The following FBXL7 variants were observed in gnomAD, a reference collection of about 807,000 sequenced individuals.
The protein encoded by FBXL7 is F-box/LRR-repeat protein 7.
FBXL7 carries 12 observed loss-of-function variants against 38.3 expected under a neutral mutation model. That is an observed-to-expected ratio of 0.31 (90% CI 0.20 to 0.51). The LOEUF (loss-of-function observed/expected upper bound fraction) is 0.51. Among genes scored for constraint, FBXL7 ranks in the 20% least tolerant of loss-of-function variants. The pLI, the probability that FBXL7 is intolerant of heterozygous loss-of-function variation, is 0.98. For synonymous variants in FBXL7, 297 were observed against 300.9 expected (o/e 0.99, Z 0.13); for missense variants, 567 against 676.4 (o/e 0.84, Z 1.79).
At chr5:15,716,863 A>T in intron 2 of FBXL7, among the ~76,000 whole-genome samples, 1 of 152,274 alleles carries the variant, frequency 6.6e-6, no homozygotes, top group Non-Finnish European at 1.5e-5. Context: ...TGGAATCATT[A>T]TTTTTATTTT....
chr5:15,810,707 G>A lies in FBXL7; in HGVS notation c.128-117183G>A, dbSNP rs527558674. Among the ~76,000 whole-genome samples, 427 of 152,018 alleles carry A rather than the reference G, an allele frequency of 2.8e-3. 1 individual carries two copies. The highest frequency in any genetic ancestry group is 9.6e-3 in the African/African-American group (398 of 41,464). On this transcript the variant is annotated intron_variant, in intron 2 of 3. Coordinates refer to ENST00000504595, the MANE Select transcript of FBXL7 (RefSeq NM_012304.5). Reference sequence around the variant, plus strand: ...CTGTTATATTGTTAGTTATAATTCGGCTGCCACCATATTTTTCTTTTATAA... The same window carrying A: ...CTGTTATATTGTTAGTTATAATTCGACTGCCACCATATTTTTCTTTTATAA...
At chr5:15,887,759 G>A (rs929414648) in intron 2 of FBXL7, among the ~76,000 whole-genome samples, 1 of 152,184 alleles carries the variant, frequency 6.6e-6, no homozygotes, top group Admixed American at 6.5e-5. Flanking sequence ...AAACTAGACA[G>A]TATCTTTTGG....
At chr5:15,574,617 CTGTT>C (rs1257868435) in intron 1 of FBXL7, among the ~76,000 whole-genome samples, 1 of 152,086 alleles carries the variant, frequency 6.6e-6, no homozygotes, top group East Asian at 1.9e-4. Context: ...GAATATAGCT[CTGTT>C]TGCTTCAAGG....
At chr5:15,866,407 T>A (rs1739711544) in intron 2 of FBXL7, among the ~76,000 whole-genome samples, 1 of 152,258 alleles carries the variant, frequency 6.6e-6, no homozygotes, top group African/African-American at 2.4e-5. Context: ...TCACAGGTTG[T>A]GAATACAGTA....
chr5:15,875,417 C>T (rs1740158182), intron 2 of FBXL7, among the ~76,000 whole-genome samples: 1 of 152,166 alleles, frequency 6.6e-6, no homozygotes, highest in African/African-American at 2.4e-5. Context: ...TCTAATTAAA[C>T]TAAATAGCTT....
chr5:15,598,212 A>C (rs539049979), intron 1 of FBXL7, among the ~76,000 whole-genome samples: 4 of 152,330 alleles, frequency 2.6e-5, no homozygotes, highest in African/African-American at 7.2e-5. Flanking sequence ...AGTACATTAA[A>C]CTGTTTTCCA....
In FBXL7 at chr5:15,500,308, C is replaced by G. The variant is rs1300655073; in HGVS notation, c.-369C>G. ...CGAGCCGCGGAGCCCAGGGGCCTGC[C>G]CGGCTCAGCGCCCACCGGAGGGGAT... On this transcript the variant is annotated 5_prime_UTR_variant, in exon 1 of 4. Transcript: ENST00000504595. 3.3e-5 allele frequency: 5 copies of G among 151,522 alleles called. No homozygotes were observed. The highest frequency in any genetic ancestry group is 7.3e-5 in the Non-Finnish European group (5 of 68,052). 9.4% of individuals were successfully genotyped at this position (151,522 alleles called of 1,614,324 possible).
chr5:15,711,465 A>G (rs557481050), intron 2 of FBXL7, among the ~76,000 whole-genome samples: 5 of 152,288 alleles, frequency 3.3e-5, no homozygotes, highest in African/African-American at 1.2e-4. Flanking sequence ...AACTAATTCA[A>G]TTTGTTACAA....
chr5:15,870,103 C>G (rs115196840), intron 2 of FBXL7, among the ~76,000 whole-genome samples: 2,381 of 152,140 alleles, frequency 0.016, 27 homozygotes, highest in Middle Eastern at 0.044. Context: ...GAGTGAGACC[C>G]TCTGTCAATA....
intron 3 of FBXL7, among the ~76,000 whole-genome samples, chr5:15,929,588 C>T (rs1032442209): frequency 4.7e-5 from 7 of 148,302 alleles, no homozygotes; most frequent in African/African-American, 1.5e-4. Context: ...CATACCACTG[C>T]ACTCCAGCCT....
rs1030131072 is a variant in FBXL7 at position 15,938,416 on chromosome 5, C to T, written c.*1230C>T. 1 of 152,196 alleles carries T rather than the reference C, an allele frequency of 6.6e-6. No homozygotes were observed. Among genetic ancestry groups the T allele is most frequent in the Non-Finnish European group, 1.5e-5 (1 of 68,052 alleles). 9.4% of individuals were successfully genotyped at this position (152,196 alleles called of 1,614,324 possible). A position where few individuals can be genotyped will look rare whatever the true frequency, so the allele number is the denominator to read the frequency against. The stretch of plus-strand genomic sequence containing the variant: ...CTACAGCTGGCAGAGACAGATGCCT[C>T]GGTTCTTTGTCATTCAGATTGCATT... On this transcript the variant is annotated 3_prime_UTR_variant, in exon 4 of 4. Transcript: ENST00000504595.
intron 2 of FBXL7, among the ~76,000 whole-genome samples, chr5:15,852,396 A>G (rs139603823): frequency 1.6e-4 from 24 of 152,332 alleles, no homozygotes; most frequent in Admixed American, 3.9e-4. Flanking sequence ...GCAAGTGGTC[A>G]GAAGTCAGCA....
chr5:15,577,317 G>A (rs188918031), intron 1 of FBXL7, among the ~76,000 whole-genome samples: 120 of 152,152 alleles, frequency 7.9e-4, no homozygotes, highest in African/African-American at 2.7e-3. Flanking sequence ...GGCCTCTATT[G>A]TCCCCAGGGG....
At chr5:15,920,423 T>G (rs1482049304) in intron 2 of FBXL7, among the ~76,000 whole-genome samples, 1 of 152,212 alleles carries the variant, frequency 6.6e-6, no homozygotes, top group East Asian at 1.9e-4. Flanking sequence ...GCAGTGCAGT[T>G]TACTGAATTT....
At chr5:15,598,568 A>C (rs1739694306) in intron 1 of FBXL7, among the ~76,000 whole-genome samples, 1 of 152,024 alleles carries the variant, frequency 6.6e-6, no homozygotes, top group African/African-American at 2.4e-5. Context: ...GGACCCATTA[A>C]CTGGTAATGG....
chr5:15,524,333 G>T (rs775351158), intron 1 of FBXL7, among the ~76,000 whole-genome samples: 1 of 152,150 alleles, frequency 6.6e-6, no homozygotes, highest in Non-Finnish European at 1.5e-5. Flanking sequence ...TCGTCCGTTT[G>T]TGTGAGTAAA....
Position 15,883,976 on chromosome 5 carries a change from C to A in FBXL7, c.128-43914C>A, listed in dbSNP as rs1033495393. Among the ~76,000 whole-genome samples the A allele has an allele frequency of 2.0e-5, 3 of 152,280 alleles. No individual in the cohort carries two copies. The South Asian group carries it at 6.2e-4, about 32-fold the overall frequency. The stretch of plus-strand genomic sequence containing the variant: ...TTATTTTGTTGCTGAAGTGATCAAA[C>A]AAAACCAGACTGAGAGGGTACAGAA... On this transcript the variant is annotated intron_variant, in intron 2 of 3. Coordinates refer to ENST00000504595, the MANE Select transcript of FBXL7 (RefSeq NM_012304.5).
intron 2 of FBXL7, among the ~76,000 whole-genome samples, chr5:15,817,980 T>C (rs1738065701): frequency 6.6e-6 from 1 of 152,334 alleles, no homozygotes; most frequent in East Asian, 1.9e-4. Context: ...GAAGTGAGTC[T>C]GTAACTTTTA....
intron 2 of FBXL7, among the ~76,000 whole-genome samples, chr5:15,847,116 G>A (rs1336615002): frequency 6.6e-6 from 1 of 152,054 alleles, no homozygotes; most frequent in Non-Finnish European, 1.5e-5. Context: ...TACCCAGTGT[G>A]GTAGGCAGAA....
Sources: allele counts gnomAD v4.1 joint callset (sites outside exome capture counted in the v4.1 genomes callset), GRCh38; gene constraint gnomAD v4.1.1; transcripts MANE v1.5; gene names NCBI Gene and HGNC (gene_info 2026-07-23, HGNC 2026-07-21).